The following PXDNL variants were observed in gnomAD, a reference collection of about 807,000 sequenced individuals.
The protein encoded by PXDNL is probable oxidoreductase PXDNL.
In PXDNL, 145 loss-of-function variants were observed where a neutral mutation model predicts 150.8. The observed-to-expected ratio is 0.96, with a 90% CI of 0.84 to 1.10. The LOEUF is 1.10. Among genes scored for constraint, PXDNL ranks in the 50% least tolerant of loss-of-function variants. The pLI, the probability that PXDNL is intolerant of heterozygous loss-of-function variation, is 0.00. For missense variants in PXDNL, 2,087 were observed against 1,873.9 expected (o/e 1.11, Z -2.10); for synonymous variants, 757 against 725.7 (o/e 1.04, Z -0.69).
Position 51,762,358 on chromosome 8 carries a change from C to A in PXDNL, c.164+46823G>T, listed in dbSNP as rs563899959. On this transcript the variant is annotated intron_variant, in intron 1 of 22. Transcript: ENST00000356297. ...ACATTCTATAGAGAATCCCCTTCCC[C>A]CTTTGTATTCCTTCCTTCCTTCCTA... is the stretch of plus-strand genomic sequence containing the variant. 2.0e-5 allele frequency among the ~76,000 whole-genome samples: 3 copies of A among 152,294 alleles called. No individual in the cohort carries two copies. In the South Asian group the frequency reaches 6.2e-4, roughly 32 times the overall value.
At chr8:51,640,726 C>T (rs951279415) in intron 2 of PXDNL, among the ~76,000 whole-genome samples, 4 of 152,162 alleles carry the variant, frequency 2.6e-5, no homozygotes, top group African/African-American at 9.7e-5. Flanking sequence ...AACGGAAGAA[C>T]ATTCCATGCT....
chr8:51,619,665 C>A (rs1377720483), intron 2 of PXDNL, among the ~76,000 whole-genome samples: 1 of 152,184 alleles, frequency 6.6e-6, no homozygotes, highest in Non-Finnish European at 1.5e-5. Context: ...CCTTCTCCCC[C>A]TTAGCCTTCC....
intron 2 of PXDNL, among the ~76,000 whole-genome samples, chr8:51,630,347 G>T (rs1025805058): frequency 9.9e-5 from 15 of 152,106 alleles, no homozygotes; most frequent in African/African-American, 3.1e-4. Context: ...AGATAACCTA[G>T]AAAATATGAT....
At chr8:51,398,888 G>A (rs562703028) in intron 17 of PXDNL, among the ~76,000 whole-genome samples, 1 of 152,060 alleles carries the variant, frequency 6.6e-6, no homozygotes, top group Non-Finnish European at 1.5e-5. Context: ...ATTAAAGAAG[G>A]TATGCTCTTA....
chr8:51,351,374 G>A (rs1806344975), intron 19 of PXDNL, among the ~76,000 whole-genome samples: 4 of 152,200 alleles, frequency 2.6e-5, no homozygotes, highest in Admixed American at 2.6e-4. Context: ...ACACAGCCAT[G>A]AACACAGAAT....
chr8:51,540,188 G>A (rs2130476740), intron 4 of PXDNL, among the ~76,000 whole-genome samples: 1 of 152,236 alleles, frequency 6.6e-6, no homozygotes, highest in African/African-American at 2.4e-5. Context: ...GTGAGCCACT[G>A]AGTCTGGACC....
chr8:51,637,460 T>C (rs866889905), intron 2 of PXDNL, among the ~76,000 whole-genome samples: 4 of 152,114 alleles, frequency 2.6e-5, no homozygotes, highest in African/African-American at 7.2e-5. Flanking sequence ...TGAAAAAAGA[T>C]TAGACGAATG....
At chr8:51,809,128 G>C in intron 1 of PXDNL, 53 bp downstream of exon 1, 4 of 1,580,380 alleles carry the variant, frequency 2.5e-6, no homozygotes, top group Non-Finnish European at 3.5e-6. Context: ...TCCTAGCAGA[G>C]AAGCAATGAA....
chr8:51,514,892 G>A (rs112441050), intron 4 of PXDNL, among the ~76,000 whole-genome samples: 2,974 of 152,262 alleles, frequency 0.02, 88 homozygotes, highest in African/African-American at 0.067. Flanking sequence ...CCCCACAATC[G>A]TTGCTCTGTG....
chr8:51,453,908 C>CATATATATATAT lies in PXDNL; in HGVS notation c.983-135_983-124dup, dbSNP rs143004029. 69 of 783,412 alleles carry CATATATATATAT rather than the reference C, an allele frequency of 8.8e-5. 1 individual carries two copies. The African/African-American group carries it at 1.1e-3, about 12-fold the overall frequency. The allele number at this position is 783,412 out of a possible 1,614,324, so 48.5% of individuals were successfully genotyped here. ...AATTCCTTTAAACTAAAATATTACA[C>CATATATATATAT]ATATATATATATACACATTTAATTC... On this transcript the variant is annotated intron_variant, in intron 9 of 22. Transcript: ENST00000356297.
At chr8:51,363,717 T>C (rs1806827134) in intron 19 of PXDNL, among the ~76,000 whole-genome samples, 1 of 152,072 alleles carries the variant, frequency 6.6e-6, no homozygotes, top group South Asian at 2.1e-4. Context: ...TTCTTCTTTC[T>C]TTGGAGGCAG....
chr8:51,649,607 C>A (rs1585648255), intron 2 of PXDNL, among the ~76,000 whole-genome samples: 4 of 152,100 alleles, frequency 2.6e-5, no homozygotes, highest in Admixed American at 2.6e-4. Flanking sequence ...AGAGAAAATC[C>A]CCTTATAATT....
intron 13 of PXDNL, 113 bp from the exon 14 acceptor site, chr8:51,423,844 T>C: frequency 1.0e-6 from 1 of 963,724 alleles, no homozygotes; most frequent in Non-Finnish European, 1.5e-6. Context: ...GCACGTTTGC[T>C]GTGTGTCAAG....
At chr8:51,776,992 T>C (rs939280678) in intron 1 of PXDNL, among the ~76,000 whole-genome samples, 1 of 152,208 alleles carries the variant, frequency 6.6e-6, no homozygotes, top group African/African-American at 2.4e-5. Context: ...TACGTCACTA[T>C]GGGTTTACAA....
chr8:51,516,113 T>C (rs1811529973), intron 4 of PXDNL, among the ~76,000 whole-genome samples: 1 of 152,196 alleles, frequency 6.6e-6, no homozygotes, highest in Non-Finnish European at 1.5e-5. Flanking sequence ...TTTTAAAGGA[T>C]ATTATTAAAG....
At chr8:51,389,550 C>A (rs1807827536) in intron 17 of PXDNL, among the ~76,000 whole-genome samples, 2 of 152,266 alleles carry the variant, frequency 1.3e-5, no homozygotes, top group Admixed American at 6.5e-5. Flanking sequence ...TCCCCTTACC[C>A]TGTGTGGGTA....
chr8:51,558,987 T>C (rs1812656894), intron 3 of PXDNL, among the ~76,000 whole-genome samples: 1 of 151,770 alleles, frequency 6.6e-6, no homozygotes. Flanking sequence ...AATGGATTAG[T>C]AGAGGGAAAG....
chr8:51,597,482 T>A (rs1458284144), intron 2 of PXDNL, among the ~76,000 whole-genome samples: 3 of 152,194 alleles, frequency 2.0e-5, no homozygotes, highest in African/African-American at 7.2e-5. Flanking sequence ...AATCTATAGG[T>A]CACTTTGAGC....
intron 14 of PXDNL, among the ~76,000 whole-genome samples, chr8:51,419,586 C>T (rs547984692): frequency 6.6e-6 from 1 of 152,290 alleles, no homozygotes; most frequent in Non-Finnish European, 1.5e-5. Context: ...CTATCTCACA[C>T]TTCTAATGTT....
Sources: gnomAD v4.1 joint callset for allele counts (sites outside exome capture counted in the v4.1 genomes callset) on GRCh38, gnomAD v4.1.1 for gene constraint, MANE v1.5 for transcripts, NCBI Gene and HGNC (gene_info 2026-07-23, HGNC 2026-07-21) for gene names.